Variants in PPP1R12A observed in about 807,000 individuals in gnomAD.
PPP1R12A encodes the protein myosin binding subunit.
A neutral mutation model predicts 139.6 loss-of-function variants in PPP1R12A; 19 were observed. The observed-to-expected ratio is 0.14, with a 90% CI of 0.09 to 0.20. The LOEUF (loss-of-function observed/expected upper bound fraction) is 0.20. PPP1R12A is among the 10% of genes least tolerant of loss of function. The pLI, the probability that PPP1R12A is intolerant of heterozygous loss-of-function variation, is 1.00. For synonymous variants in PPP1R12A, 427 were observed against 420.6 expected (o/e 1.02, Z -0.19); for missense variants, 925 against 1,211.5 (o/e 0.76, Z 3.51).
rs761026307 is a variant in PPP1R12A, at chr12:79,793,923, A to G, written c.2589T>C (p.Asp863=). Residue 863 remains aspartate (D), a synonymous_variant, in exon 19 of 25, where the codon GAT becomes GAC. Transcript: ENST00000450142. ...CTGATTGTTGTTCTTGTTCATTTTCATCACTCTAAAAACAGATTGCCAATT... is the reference window on the plus strand; with the variant it reads ...CTGATTGTTGTTCTTGTTCATTTTCGTCACTCTAAAAACAGATTGCCAATT... The part of the protein sequence containing the change: ...TGVSFWTQDS[D]ENEQEQQSDT... 6.5e-5 allele frequency: 103 copies of G among 1,588,398 alleles called. No individual in the cohort carries two copies. The highest frequency in any genetic ancestry group is 8.6e-5 in the Non-Finnish European group (101 of 1,169,852).
Position 79,796,961 on chromosome 12 carries a change from T to G in PPP1R12A, c.2293-11A>C. ...ATAACGCTGGTAAGTCTGTGAAACATTAAGATCAAAACCCATTTGAAACAT... is the reference window on the plus strand; with the variant it reads ...ATAACGCTGGTAAGTCTGTGAAACAGTAAGATCAAAACCCATTTGAAACAT... On this transcript the variant is annotated splice_polypyrimidine_tract_variant and intron_variant, in intron 16 of 24. Transcript: ENST00000450142. 6.3e-7 allele frequency: 1 copy of G among 1,590,082 alleles called. No homozygotes were observed. The highest frequency in any genetic ancestry group is 8.5e-7 in the Non-Finnish European group (1 of 1,172,152).
chr12:79,918,358 A>C (rs1887166054), intron 1 of PPP1R12A, among the ~76,000 whole-genome samples: 1 of 152,178 alleles, frequency 6.6e-6, no homozygotes, highest in South Asian at 2.1e-4. Flanking sequence ...ATGTGTGCAC[A>C]ACATCCTGTA....
intron 1 of PPP1R12A, among the ~76,000 whole-genome samples, chr12:79,877,253 G>A (rs991792394): frequency 6.6e-6 from 1 of 152,178 alleles, no homozygotes; most frequent in Non-Finnish European, 1.5e-5. Context: ...GCTGACGGCA[G>A]TTTTCCAAAG....
At chr12:79,837,697 G>C (rs1294716092) in intron 3 of PPP1R12A, among the ~76,000 whole-genome samples, 1 of 152,144 alleles carries the variant, frequency 6.6e-6, no homozygotes, top group East Asian at 1.9e-4. Context: ...GTTCTCACAA[G>C]ATCTTATGGT....
At chr12:79,884,062 G>T (rs904897561) in intron 1 of PPP1R12A, among the ~76,000 whole-genome samples, 1 of 152,112 alleles carries the variant, frequency 6.6e-6, no homozygotes, top group Non-Finnish European at 1.5e-5. Context: ...TGAAAAACAG[G>T]TCTGGTATAT....
In PPP1R12A at chr12:79,934,844, T is replaced by C; in HGVS notation, c.88A>G (p.Lys30Glu). 6.2e-7 allele frequency: 1 copy of C among 1,611,778 alleles called. No homozygotes were observed. Among genetic ancestry groups the C allele is most frequent in the Non-Finnish European group, 8.5e-7 (1 of 1,179,048 alleles). The change falls in exon 1 of 25, where the codon AAG becomes GAG. Residue 30 changes from lysine (K) to glutamate (E), a missense_variant. Physicochemically the swap from Lys to Glu is moderately conservative, Grantham distance 56. Transcript: ENST00000450142. ...SETDLEPPVV[K>E]RQKTKVKFDD... Reference sequence around the variant, plus strand: ...AACTTCACCTTGGTCTTCTGGCGCTTCACCACCGGAGGCTCGAGGTCCGTC... The same window carrying C: ...AACTTCACCTTGGTCTTCTGGCGCTCCACCACCGGAGGCTCGAGGTCCGTC...
chr12:79,923,635 C>T (rs1887614971), intron 1 of PPP1R12A, among the ~76,000 whole-genome samples: 1 of 152,176 alleles, frequency 6.6e-6, no homozygotes, highest in Admixed American at 6.5e-5. Context: ...TTATTTTTTA[C>T]ATTTGTCTTT....
At chr12:79,843,659 G>GAT (rs1196958114) in intron 3 of PPP1R12A, among the ~76,000 whole-genome samples, 2 of 132,640 alleles carry the variant, frequency 1.5e-5, no homozygotes, top group Non-Finnish European at 3.1e-5. Flanking sequence ...TATAGATATA[G>GAT]ATATAGATAT....
intron 2 of PPP1R12A, 80 bp from the exon 3 acceptor site, chr12:79,845,500 T>A (rs1348833421): frequency 5.8e-6 from 6 of 1,040,282 alleles, no homozygotes; most frequent in Non-Finnish European, 8.6e-6. Flanking sequence ...ATGAGGAAAG[T>A]TCCTATATAA....
chr12:79,799,081 T>C (rs1405480564), intron 14 of PPP1R12A, among the ~76,000 whole-genome samples: 1 of 152,172 alleles, frequency 6.6e-6, no homozygotes, highest in Non-Finnish European at 1.5e-5. Context: ...TTTTAAATTA[T>C]TCTCTACCTA....
intron 17 of PPP1R12A, 35 bp from the exon 18 acceptor site, chr12:79,795,794 T>C: frequency 6.3e-7 from 1 of 1,591,122 alleles, no homozygotes; most frequent in Non-Finnish European, 8.6e-7. Context: ...AATATAGCAA[T>C]ATATCTTGAC....
At chr12:79,794,631 GATA>G in intron 18 of PPP1R12A, among the ~76,000 whole-genome samples, 1 of 151,480 alleles carries the variant, frequency 6.6e-6, no homozygotes, top group Non-Finnish European at 1.5e-5. Flanking sequence ...ATTATACAAA[GATA>G]ATCAAAAGGA....
At chr12:79,781,661 C>A (rs187959963) in intron 23 of PPP1R12A, among the ~76,000 whole-genome samples, 154 bp downstream of exon 23, 1 of 151,720 alleles carries the variant, frequency 6.6e-6, no homozygotes, top group Non-Finnish European at 1.5e-5. Flanking sequence ...CCATAGAATT[C>A]TATAAAGAAG....
At chr12:79,795,552 A>G in intron 18 of PPP1R12A, 86 bp downstream of exon 18, 2 of 1,326,378 alleles carry the variant, frequency 1.5e-6, no homozygotes, top group South Asian at 1.4e-5. Context: ...TCTAAGGCAT[A>G]TAAGAAATTA....
At chr12:79,799,537 A>C (rs1872854919) in intron 14 of PPP1R12A, among the ~76,000 whole-genome samples, 1 of 152,162 alleles carries the variant, frequency 6.6e-6, no homozygotes, top group Non-Finnish European at 1.5e-5. Flanking sequence ...AAAAAATTCC[A>C]GTGTTTTTTT....
At chr12:79,867,621 A>C (rs1438874701) in intron 2 of PPP1R12A, among the ~76,000 whole-genome samples, 1 of 152,162 alleles carries the variant, frequency 6.6e-6, no homozygotes, top group African/African-American at 2.4e-5. Context: ...TAAAGAATAT[A>C]TTCTGTCTCC....
At chr12:79,792,026 C>G (rs902499224) in intron 19 of PPP1R12A, among the ~76,000 whole-genome samples, 1 of 152,038 alleles carries the variant, frequency 6.6e-6, no homozygotes, top group East Asian at 1.9e-4. Context: ...GAAAGATATT[C>G]AGAAATATCT....
chr12:79,915,128 C>A (rs1326768815), intron 1 of PPP1R12A, among the ~76,000 whole-genome samples: 1 of 151,972 alleles, frequency 6.6e-6, no homozygotes, highest in Non-Finnish European at 1.5e-5. Flanking sequence ...AAATTGATTC[C>A]TTTTTGTTTT....
chr12:79,774,821 G>A lies in PPP1R12A; in HGVS notation c.*1108C>T, dbSNP rs1048305850. On this transcript the variant is annotated 3_prime_UTR_variant, in exon 25 of 25. Coordinates refer to ENST00000450142, the MANE Select transcript of PPP1R12A (RefSeq NM_002480.3). ...TTAGACAGCACTCAGATAAATATAG[G>A]TATGTGAAATGTAAAGCAATTATCT... 2.0e-5 allele frequency: 3 copies of A among 152,456 alleles called. No homozygotes were observed. The highest frequency in any genetic ancestry group is 4.4e-5 in the Non-Finnish European group (3 of 67,984). 9.4% of individuals were successfully genotyped at this position (152,456 alleles called of 1,614,324 possible). A position where few individuals can be genotyped will look rare whatever the true frequency, so the allele number is the denominator to read the frequency against.
Sources: gnomAD v4.1 joint callset for allele counts (sites outside exome capture counted in the v4.1 genomes callset) on GRCh38, gnomAD v4.1.1 for gene constraint, MANE v1.5 for transcripts, NCBI Gene and HGNC (gene_info 2026-07-23, HGNC 2026-07-21) for gene names.